The following EVI5 variants were observed in gnomAD, a reference collection of about 807,000 sequenced individuals.
The protein encoded by EVI5 is ecotropic viral integration site 5 protein homolog.
A neutral mutation model predicts 112.0 loss-of-function variants in EVI5; 73 were observed. The ratio of observed to expected loss-of-function variants is 0.65; its 90% CI spans 0.54 to 0.79. EVI5 has a LOEUF of 0.79. Ranked by LOEUF, EVI5 falls within the 30% of genes least tolerant of loss-of-function variation. EVI5 has a pLI of 0.00. For synonymous variants in EVI5, 305 were observed against 319.9 expected (o/e 0.95, Z 0.50); for missense variants, 900 against 968.8 (o/e 0.93, Z 0.94).
chr1:92,663,315 C>A, intron 12 of EVI5, 105 bp downstream of exon 12: 1 of 498,912 alleles, frequency 2.0e-6, no homozygotes, highest in Non-Finnish European at 3.4e-6. Context: ...TCTAGAAAAA[C>A]GCATGTAAAA....
chr1:92,610,472 A>T (rs578228318), intron 16 of EVI5, among the ~76,000 whole-genome samples: 4 of 152,216 alleles, frequency 2.6e-5, no homozygotes, highest in Admixed American at 1.3e-4. Context: ...CAGCAGACAG[A>T]AAAAATATAT....
chr1:92,646,270 T>G (rs1053015881), intron 13 of EVI5, among the ~76,000 whole-genome samples: 1 of 152,228 alleles, frequency 6.6e-6, no homozygotes, highest in Non-Finnish European at 1.5e-5. Context: ...GAAAATCACA[T>G]TTAAGTACAG....
chr1:92,610,178 C>T (rs886252136), intron 16 of EVI5, among the ~76,000 whole-genome samples: 8 of 152,348 alleles, frequency 5.3e-5, no homozygotes, highest in Admixed American at 5.2e-4. Flanking sequence ...TGAGTCACTG[C>T]ACCTGGCCTC....
chr1:92,639,515 G>T (rs1328052655), intron 13 of EVI5, among the ~76,000 whole-genome samples: 1 of 151,982 alleles, frequency 6.6e-6, no homozygotes, highest in Non-Finnish European at 1.5e-5. Context: ...TAGAAAAAGG[G>T]TTGTCCATGC....
intron 16 of EVI5, among the ~76,000 whole-genome samples, chr1:92,609,514 T>C (rs1651243249): frequency 6.6e-6 from 1 of 152,024 alleles, no homozygotes; most frequent in Admixed American, 6.6e-5. Flanking sequence ...CCCACCACCA[T>C]GCCCAGCTAA....
chr1:92,610,462 C>G (rs1016087945), intron 16 of EVI5, among the ~76,000 whole-genome samples: 1 of 152,048 alleles, frequency 6.6e-6, no homozygotes, highest in East Asian at 1.9e-4. Flanking sequence ...GAGTGAGAGA[C>G]AGCAGACAGA....
At chr1:92,577,393 G>A (rs571712822) in intron 18 of EVI5, among the ~76,000 whole-genome samples, 90 of 152,332 alleles carry the variant, frequency 5.9e-4, no homozygotes, top group Non-Finnish European at 1.1e-3. Context: ...GGAAGTTTTT[G>A]TACGGCTTGC....
chr1:92,527,549 TTACA>T (rs1188846872), intron 19 of EVI5, among the ~76,000 whole-genome samples: 3 of 152,160 alleles, frequency 2.0e-5, no homozygotes, highest in Non-Finnish European at 4.4e-5. Context: ...AAAATTTTAC[TTACA>T]TACATAGTCA....
intron 6 of EVI5, 35 bp from the exon 7 acceptor site, chr1:92,695,488 A>T: frequency 1.4e-6 from 2 of 1,388,280 alleles, no homozygotes; most frequent in Non-Finnish European, 2.0e-6. Context: ...ATAACACAGT[A>T]AAACTGAGTA....
chr1:92,552,228 T>C (rs1667056807), intron 19 of EVI5, among the ~76,000 whole-genome samples: 1 of 151,812 alleles, frequency 6.6e-6, no homozygotes, highest in Non-Finnish European at 1.5e-5. Context: ...ATTCATGAGT[T>C]CAGACTACTG....
chr1:92,605,546 A>G (rs1650191474), intron 17 of EVI5, 144 bp from the exon 18 acceptor site: 2 of 584,742 alleles, frequency 3.4e-6, no homozygotes, highest in East Asian at 5.4e-5. Flanking sequence ...CAATATGCTC[A>G]ATACATACAA....
chr1:92,715,731 C>G (rs1673537781), intron 2 of EVI5, among the ~76,000 whole-genome samples: 2 of 152,124 alleles, frequency 1.3e-5, no homozygotes, highest in Non-Finnish European at 2.9e-5. Flanking sequence ...ACAGACTGTA[C>G]CTGGAAAAAC....
intron 13 of EVI5, among the ~76,000 whole-genome samples, chr1:92,645,348 A>G (rs992588797): frequency 2.6e-5 from 4 of 152,144 alleles, no homozygotes; most frequent in Non-Finnish European, 4.4e-5. Flanking sequence ...TCCATATTAT[A>G]TCTTTTTCAT....
intron 1 of EVI5, chr1:92,756,403 T>C: frequency 1.9e-6 from 1 of 536,740 alleles, no homozygotes. Flanking sequence ...TTCTAAATTA[T>C]GCACTTTCTT....
intron 18 of EVI5, among the ~76,000 whole-genome samples, chr1:92,565,689 C>G (rs1669324311): frequency 2.6e-5 from 4 of 152,024 alleles, no homozygotes; most frequent in African/African-American, 9.7e-5. Flanking sequence ...TAGCAACAGG[C>G]CAGGCGCGGT....
chr1:92,601,810 T>C (rs2027059), intron 18 of EVI5, among the ~76,000 whole-genome samples: 140,304 of 152,274 alleles, frequency 0.92, 64,725 homozygotes, highest in East Asian at 0.97. Context: ...AAATCCTGCA[T>C]ACCAGGTTCT....
chr1:92,592,444 C>T (rs1448684847), intron 18 of EVI5, among the ~76,000 whole-genome samples: 1 of 152,078 alleles, frequency 6.6e-6, no homozygotes, highest in Non-Finnish European at 1.5e-5. Flanking sequence ...AATTTATAGC[C>T]TTAAATGCCC....
chr1:92,673,602 G>A (rs1444143578), intron 10 of EVI5, among the ~76,000 whole-genome samples: 1 of 152,130 alleles, frequency 6.6e-6, no homozygotes, highest in African/African-American at 2.4e-5. Flanking sequence ...AAAGTGCTGG[G>A]ATTATAGGCG....
At chr1:92,561,595 CTATCTAAT>C (rs1198090450) in intron 19 of EVI5, among the ~76,000 whole-genome samples, 121 of 148,890 alleles carry the variant, frequency 8.1e-4, no homozygotes, top group Non-Finnish European at 1.5e-3. Context: ...ATCTATCTAT[CTATCTAAT>C]CTATCCTATC....
Sources: gnomAD v4.1 joint callset for allele counts (sites outside exome capture counted in the v4.1 genomes callset) on GRCh38, gnomAD v4.1.1 for gene constraint, MANE v1.5 for transcripts, NCBI Gene and HGNC (gene_info 2026-07-23, HGNC 2026-07-21) for gene names.